Variants in MAP6 observed in about 807,000 individuals in gnomAD.
The protein encoded by MAP6 is microtubule-associated protein 6.
A neutral mutation model predicts 42.4 loss-of-function variants in MAP6; 26 were observed. The ratio of observed to expected loss-of-function variants is 0.61; its 90% confidence interval spans 0.45 to 0.85. The LOEUF (loss-of-function observed/expected upper bound fraction) is 0.85, where lower values mean the gene tolerates loss of function less well. Ranked by LOEUF, MAP6 falls within the 40% of genes least tolerant of loss-of-function variation. The pLI is 0.00. For missense variants in MAP6, 966 were observed against 1,099.0 expected, an observed-to-expected ratio of 0.88 and a Z score of 1.71; for synonymous variants, 418 against 443.8, an observed-to-expected ratio of 0.94 and a Z score of 0.73.
In MAP6 at chr11:75,603,045, G is replaced by A; in HGVS notation, c.1316+2763C>T. The A allele has an allele frequency of 3.0e-6, 3 of 985,772 alleles. No individual in the cohort carries two copies. The South Asian group carries it at 1.4e-4, about 46-fold the overall frequency. The allele number at this position is 985,772 out of a possible 1,614,324, so 61.1% of individuals were successfully genotyped here. A position where few individuals can be genotyped will look rare whatever the true frequency, so the allele number is the denominator to read the frequency against. ...GCGCTACATGTTACATAGACAATCT[G>A]TGGTATGCAACAAAACCCAGGCCAC... On this transcript the variant is annotated intron_variant, in intron 3 of 3. Coordinates refer to ENST00000304771, the MANE Select transcript of MAP6 (RefSeq NM_033063.2).
intron 1 of MAP6, among the ~76,000 whole-genome samples, chr11:75,612,176 T>C (rs1390169714): frequency 1.3e-5 from 2 of 152,234 alleles, no homozygotes; most frequent in Non-Finnish European, 1.5e-5. Flanking sequence ...TTGACAGAAA[T>C]TCATGGTCCC....
At chr11:75,601,713 C>T (rs1013014665) in intron 3 of MAP6, among the ~76,000 whole-genome samples, 1 of 152,004 alleles carries the variant, frequency 6.6e-6, no homozygotes, top group African/African-American at 2.4e-5. Context: ...CAACCGCCCA[C>T]TCACGTGCAC....
intron 1 of MAP6, among the ~76,000 whole-genome samples, chr11:75,633,389 T>C (rs1387517956): frequency 6.6e-6 from 1 of 152,238 alleles, no homozygotes; most frequent in Non-Finnish European, 1.5e-5. Context: ...GAGGACATGC[T>C]AGTGAGAGAT....
Position 75,608,197 on chromosome 11 carries a change from G to C in MAP6, c.1031C>G (p.Ala344Gly). The change falls in exon 2 of 4, where the codon GCC (alanine) becomes GGC (glycine). Residue 344 changes from alanine (A) to glycine (G), a missense_variant. Ala to Gly is a moderately conservative substitution (Grantham distance 60). Around this residue, in one of 2 missense-constraint regions of MAP6, gnomAD observed 943 missense variants for 1,049.9 expected, o/e 0.90. Coordinates refer to ENST00000304771, the MANE Select transcript of MAP6 (RefSeq NM_033063.2). ...TSYSAQFKGE[A>G]SKPTTADNKV... ...ATTGTCAGCTGTTGTTGGCTTGCTG[G>C]CCTCTCCTTTGAACTGAGCACTGTA... The C allele has an allele frequency of 6.2e-7, 1 of 1,614,176 alleles. No individual in the cohort carries two copies.
intron 1 of MAP6, among the ~76,000 whole-genome samples, chr11:75,620,880 C>T (rs1424882561): frequency 1.1e-4 from 16 of 152,112 alleles, no homozygotes; most frequent in African/African-American, 2.2e-4. Flanking sequence ...CCTGTAATCC[C>T]GGCACTCTGG....
At chr11:75,588,875 G>A (rs985770273) in intron 3 of MAP6, among the ~76,000 whole-genome samples, 5 of 152,148 alleles carry the variant, frequency 3.3e-5, no homozygotes, top group African/African-American at 9.7e-5. Flanking sequence ...TAGAGACGGG[G>A]CCTCACTATG....
intron 1 of MAP6, among the ~76,000 whole-genome samples, chr11:75,635,610 C>T (rs888348042): frequency 2.0e-5 from 3 of 152,178 alleles, no homozygotes; most frequent in East Asian, 1.9e-4. Context: ...ATAAACATGG[C>T]GTTTGAAACC....
chr11:75,663,569 G>A (rs755504711), intron 1 of MAP6, among the ~76,000 whole-genome samples: 15 of 152,118 alleles, frequency 9.9e-5, no homozygotes, highest in Non-Finnish European at 2.1e-4. Context: ...ATGACGTGGT[G>A]GGGGAGACAG....
chr11:75,613,824 A>T (rs1942948857), intron 1 of MAP6, among the ~76,000 whole-genome samples: 1 of 152,186 alleles, frequency 6.6e-6, no homozygotes, highest in African/African-American at 2.4e-5. Flanking sequence ...AGGCTGGGCC[A>T]GCCTTCAACC....
chr11:75,595,232 A>C (rs1942557614), intron 3 of MAP6, among the ~76,000 whole-genome samples: 1 of 152,194 alleles, frequency 6.6e-6, no homozygotes, highest in African/African-American at 2.4e-5. Context: ...CTTGCATTGC[A>C]GTCAGCTCCA....
At chr11:75,621,640 C>A (rs983817421) in intron 1 of MAP6, among the ~76,000 whole-genome samples, 7 of 151,742 alleles carry the variant, frequency 4.6e-5, no homozygotes, top group Admixed American at 2.6e-4. Context: ...CAGGAATTGG[C>A]CGGGTAATCC....
chr11:75,617,657 C>T (rs570037572), intron 1 of MAP6, among the ~76,000 whole-genome samples: 74 of 151,400 alleles, frequency 4.9e-4, no homozygotes, highest in Non-Finnish European at 7.1e-4. Context: ...TACGGTTGGC[C>T]GAGGTGGAGG....
chr11:75,667,511 G>C lies in MAP6; in HGVS notation c.859C>G (p.Arg287Gly), dbSNP rs766020778. 2.0e-6 allele frequency: 3 copies of C among 1,507,572 alleles called. No homozygotes were observed. In the South Asian group the frequency reaches 3.7e-5, roughly 18 times the overall value. The allele number at this position is 1,507,572 out of a possible 1,614,324, so 93.4% of individuals were successfully genotyped here. A position where few individuals can be genotyped will look rare whatever the true frequency, so the allele number is the denominator to read the frequency against. Residue 287 changes from arginine (R) to glycine (G), a missense_variant, in exon 1 of 4, where the codon CGG becomes GGG. By Grantham distance (125) the Arg-to-Gly change is moderately radical (BLOSUM62 -2). Coordinates refer to ENST00000304771, the MANE Select transcript of MAP6 (RefSeq NM_033063.2). This position sits in a 1 kb window ranked among gnomAD's most constrained non-coding sequence, Gnocchi z 5.6. ...CTCGCCACCTCCTCGCGGATTTGCC[G>C]GTTGAGGGCGTCCGCCGCGGCGCGC... The part of the protein sequence containing the change: ...RGRAAADALN[R>G]QIREEVASAV...
At position 75,608,170 on chromosome 11, in the gene MAP6, T is replaced by C; in HGVS notation, c.1058A>G (p.Lys353Arg). 3 of 1,613,190 alleles carry C rather than the reference T, an allele frequency of 1.9e-6. 1 individual carries two copies. In the South Asian group the frequency reaches 3.3e-5, roughly 18 times the overall value. The stretch of plus-strand genomic sequence containing the variant: ...GCGTATTCTTCTGCGATCAATGACC[T>C]TATTGTCAGCTGTTGTTGGCTTGCT... The part of the protein sequence containing the change: ...EASKPTTADN[K>R]VIDRRRIRSL... The change falls in exon 2 of 4, where the codon AAG (lysine) becomes AGG (arginine). Residue 353 changes from lysine (K) to arginine (R), a missense_variant. By Grantham distance (26) the Lys-to-Arg change is conservative. Around this residue, in one of 2 missense-constraint regions of MAP6, gnomAD observed 943 missense variants for 1,049.9 expected, o/e 0.90. Coordinates refer to ENST00000304771, the MANE Select transcript of MAP6 (RefSeq NM_033063.2).
chr11:75,601,858 T>C lies in MAP6; in HGVS notation c.1316+3950A>G, dbSNP rs75529681. Among the ~76,000 whole-genome samples the C allele has an allele frequency of 8.7e-3, 1,287 of 148,420 alleles. 24 individuals carry two copies. The highest frequency in any genetic ancestry group is 0.031 in the African/African-American group (1,230 of 39,988). On this transcript the variant is annotated intron_variant, in intron 3 of 3. Transcript: ENST00000304771. The stretch of plus-strand genomic sequence containing the variant: ...CGACCTTTGCTTGGGCAGACCCCTC[T>C]ATCTAGCATGCCTTGGCCACCCCCG...
At chr11:75,664,736 C>T (rs1943917762) in intron 1 of MAP6, among the ~76,000 whole-genome samples, 1 of 152,138 alleles carries the variant, frequency 6.6e-6, no homozygotes, top group Non-Finnish European at 1.5e-5. Flanking sequence ...GAATGTGAGA[C>T]AATAGGGAAG....
chr11:75,588,383 G>A (rs1450134392), intron 3 of MAP6, among the ~76,000 whole-genome samples, 199 bp from the exon 4 acceptor site: 1 of 152,082 alleles, frequency 6.6e-6, no homozygotes, highest in Non-Finnish European at 1.5e-5. Flanking sequence ...TGAAGGCTCA[G>A]GAATCAGTCA....
intron 3 of MAP6, chr11:75,605,308 T>C (rs1332512857): frequency 1.0e-6 from 1 of 986,010 alleles, no homozygotes; most frequent in East Asian, 1.1e-4. Context: ...TTTGTTATTT[T>C]TGTTTAATAT....
At chr11:75,657,020 C>T (rs1482028316) in intron 1 of MAP6, among the ~76,000 whole-genome samples, 2 of 152,002 alleles carry the variant, frequency 1.3e-5, no homozygotes, top group East Asian at 1.9e-4. Context: ...TTTTGAACTT[C>T]GTATAAATGG....
Sources: allele counts gnomAD v4.1 joint callset (sites outside exome capture counted in the v4.1 genomes callset), GRCh38; gene constraint gnomAD v4.1.1; regional missense constraint gnomAD v4.1.1; non-coding constraint Gnocchi (gnomAD v3.1); transcripts MANE v1.5; gene names NCBI Gene and HGNC (gene_info 2026-07-23, HGNC 2026-07-21).